The following TENM4 variants were observed in gnomAD, a reference collection of about 807,000 sequenced individuals.
TENM4 encodes teneurin-4.
A neutral mutation model predicts 243.3 loss-of-function variants in TENM4; 82 were observed. The observed-to-expected ratio is 0.34, with a 90% CI of 0.28 to 0.40. The LOEUF (loss-of-function observed/expected upper bound fraction) is 0.40, where lower values mean the gene tolerates loss of function less well. Ranked by LOEUF, TENM4 falls within the 10% of genes least tolerant of loss-of-function variation. The pLI, the probability that TENM4 is intolerant of heterozygous loss-of-function variation, is 1.00. For missense variants in TENM4, 3,138 were observed against 3,673.3 expected (o/e 0.85, Z 3.77); for synonymous variants, 1,412 against 1,456.3 (o/e 0.97, Z 0.69).
At chr11:79,149,663 G>A (rs1437117747) in intron 3 of TENM4, among the ~76,000 whole-genome samples, 1 of 152,084 alleles carries the variant, frequency 6.6e-6, no homozygotes, top group Non-Finnish European at 1.5e-5. Flanking sequence ...GTATTTTACG[G>A]CCTAGGATAC....
At chr11:78,805,254 C>A in intron 15 of TENM4, 38 bp downstream of exon 15, 1 of 37,506 alleles carries the variant, frequency 2.7e-5, no homozygotes, top group Non-Finnish European at 4.5e-5. Flanking sequence ...GTGGAAATCC[C>A]CTCCCTCTAC....
intron 15 of TENM4, among the ~76,000 whole-genome samples, chr11:78,794,982 G>C (rs1857133567): frequency 6.6e-6 from 1 of 152,192 alleles, no homozygotes; most frequent in Non-Finnish European, 1.5e-5. Flanking sequence ...CAATGTAAGG[G>C]GGCAGCTGGA....
intron 3 of TENM4, among the ~76,000 whole-genome samples, chr11:79,166,351 C>T (rs1004134066): frequency 2.0e-5 from 3 of 152,186 alleles, no homozygotes; most frequent in African/African-American, 4.8e-5. Context: ...TTTTAAGAGG[C>T]TTTCATCAGC....
At chr11:78,970,514 T>G (rs183787047) in intron 6 of TENM4, among the ~76,000 whole-genome samples, 13 of 152,286 alleles carry the variant, frequency 8.5e-5, no homozygotes, top group Admixed American at 5.2e-4. Flanking sequence ...GCCACCCTCT[T>G]TTAGGGCAGT....
At chr11:78,670,713 G>C (rs1306742715) in intron 31 of TENM4, among the ~76,000 whole-genome samples, 162 bp from the exon 32 acceptor site, 2 of 152,210 alleles carry the variant, frequency 1.3e-5, no homozygotes, top group Non-Finnish European at 2.9e-5. Flanking sequence ...CAACAGGAGT[G>C]TCACGGGATA....
At chr11:78,891,121 C>A (rs1855654295) in intron 8 of TENM4, 117 bp downstream of exon 8, 1 of 860,540 alleles carries the variant, frequency 1.2e-6, no homozygotes. Flanking sequence ...TGGTGATGAG[C>A]ATGCCACATG....
At chr11:78,762,154 G>C (rs1565368320) in intron 18 of TENM4, among the ~76,000 whole-genome samples, 1 of 152,212 alleles carries the variant, frequency 6.6e-6, no homozygotes, top group Non-Finnish European at 1.5e-5. Flanking sequence ...TCTGTAAAAT[G>C]AATCATCAAA....
intron 1 of TENM4, among the ~76,000 whole-genome samples, chr11:79,299,605 A>G (rs1201658450): frequency 6.6e-6 from 1 of 152,242 alleles, no homozygotes; most frequent in African/African-American, 2.4e-5. Flanking sequence ...CTAAAACCAC[A>G]TTTTGAAAAT....
chr11:79,282,706 G>A (rs1856177849), intron 2 of TENM4, among the ~76,000 whole-genome samples: 1 of 152,124 alleles, frequency 6.6e-6, no homozygotes, highest in African/African-American at 2.4e-5. Flanking sequence ...GTAAGCATTG[G>A]TCTTGTTCAG....
chr11:79,222,372 A>G (rs971324620), intron 2 of TENM4, among the ~76,000 whole-genome samples: 14 of 152,162 alleles, frequency 9.2e-5, no homozygotes, highest in African/African-American at 3.4e-4. Context: ...TCCATGGTGT[A>G]TATGTACAAC....
At chr11:79,256,137 C>A (rs1487472095) in intron 2 of TENM4, among the ~76,000 whole-genome samples, 2 of 152,198 alleles carry the variant, frequency 1.3e-5, no homozygotes, top group African/African-American at 4.8e-5. Flanking sequence ...GTAGTGGCTT[C>A]TTTCTTCTAC....
chr11:79,265,675 A>T, intron 2 of TENM4, among the ~76,000 whole-genome samples: 1 of 151,422 alleles, frequency 6.6e-6, no homozygotes, highest in South Asian at 2.1e-4. Context: ...CTTGTGTGTG[A>T]TTTTTTTTTA....
chr11:78,899,574 A>AGGGGG (rs1855883538), intron 7 of TENM4, among the ~76,000 whole-genome samples: 11 of 71,560 alleles, frequency 1.5e-4, no homozygotes, highest in East Asian at 6.3e-4. Context: ...GGGGGGGGAA[A>AGGGGG]AAGAAAAAAG....
intron 6 of TENM4, among the ~76,000 whole-genome samples, chr11:79,053,271 C>A (rs1471450351): frequency 6.6e-6 from 1 of 152,180 alleles, no homozygotes; most frequent in Non-Finnish European, 1.5e-5. Flanking sequence ...TCCAGCCTGA[C>A]CTGCAGCTTT....
intron 6 of TENM4, among the ~76,000 whole-genome samples, chr11:78,963,959 G>A (rs1178208904): frequency 6.1e-5 from 9 of 147,936 alleles, no homozygotes; most frequent in African/African-American, 1.3e-4. Context: ...GGCTGGTCTC[G>A]AACTCCTGAC....
At chr11:79,353,266 T>C (rs910842609) in intron 1 of TENM4, among the ~76,000 whole-genome samples, 3 of 152,040 alleles carry the variant, frequency 2.0e-5, no homozygotes, top group Non-Finnish European at 4.4e-5. Flanking sequence ...TGAATTGAGA[T>C]TGTTTTCTTT....
chr11:78,991,868 C>T (rs1424120136), intron 6 of TENM4, among the ~76,000 whole-genome samples: 1 of 152,206 alleles, frequency 6.6e-6, no homozygotes, highest in Non-Finnish European at 1.5e-5. Context: ...CTTCCTCACC[C>T]TGTGCTGCTG....
chr11:78,986,893 G>A (rs115443960), intron 6 of TENM4, among the ~76,000 whole-genome samples: 1,660 of 152,214 alleles, frequency 0.011, 37 homozygotes, highest in African/African-American at 0.037. Context: ...CATTTTCATC[G>A]TAAGCAAATC....
intron 1 of TENM4, among the ~76,000 whole-genome samples, chr11:79,405,468 G>A (rs1858546413): frequency 6.9e-6 from 1 of 145,670 alleles, no homozygotes; most frequent in African/African-American, 2.6e-5. Flanking sequence ...TGTAGAAGAA[G>A]GCTTAGAATG....
Sources: gnomAD v4.1 joint callset for allele counts (sites outside exome capture counted in the v4.1 genomes callset) on GRCh38, gnomAD v4.1.1 for gene constraint, MANE v1.5 for transcripts, NCBI Gene and HGNC (gene_info 2026-07-23, HGNC 2026-07-21) for gene names.